Variants in UBR1 observed in about 807,000 individuals in gnomAD.
UBR1 encodes E3 ubiquitin-protein ligase UBR1.
UBR1 carries 102 observed loss-of-function variants against 242.1 expected under a neutral mutation model. That is an observed-to-expected ratio of 0.42 (90% CI 0.36 to 0.50). The LOEUF is 0.50. Ranked by LOEUF, UBR1 falls within the 20% of genes least tolerant of loss-of-function variation. UBR1 has a pLI of 0.01. For synonymous variants in UBR1, 675 were observed against 684.8 expected (o/e 0.99, Z 0.22); for missense variants, 1,772 against 2,101.8 (o/e 0.84, Z 3.07).
chr15:42,950,594 G>C (rs767774140), intron 45 of UBR1: 3 of 536,110 alleles, frequency 5.6e-6, no homozygotes, highest in Non-Finnish European at 1.0e-5. Context: ...GGTGAAATGA[G>C]ATCATTTATA....
At chr15:43,081,352 C>T (rs368244215) in intron 3 of UBR1, among the ~76,000 whole-genome samples, 1 of 137,626 alleles carries the variant, frequency 7.3e-6, no homozygotes, top group Non-Finnish European at 1.5e-5. Context: ...AGGAGGCGGA[C>T]GTTGTGGTGA....
chr15:42,945,185 G>A lies in UBR1; in HGVS notation c.*144C>T. 9.0e-7 allele frequency: 1 copy of A among 1,108,532 alleles called. No homozygotes were observed. The highest frequency in any genetic ancestry group is 2.6e-5 in the East Asian group (1 of 38,816). The allele number at this position is 1,108,532 out of a possible 1,614,324, so 68.7% of individuals were successfully genotyped here. A position where few individuals can be genotyped will look rare whatever the true frequency, so the allele number is the denominator to read the frequency against. ...CTAATTGAAAGCAATACTCCATTAAGAAATATTTTATTGATGTAAGTGAAC... is the reference window on the plus strand; with the variant it reads ...CTAATTGAAAGCAATACTCCATTAAAAAATATTTTATTGATGTAAGTGAAC... On this transcript the variant is annotated 3_prime_UTR_variant, in exon 47 of 47. Coordinates refer to ENST00000290650, the MANE Select transcript of UBR1 (RefSeq NM_174916.3).
chr15:43,003,924 A>T lies in UBR1; in HGVS notation c.3422T>A (p.Leu1141Gln). The change falls in exon 31 of 47, where the codon CTA becomes CAA. Residue 1141 changes from leucine to glutamine, a missense_variant. By Grantham distance (113) the Leu-to-Gln change is moderately radical. Coordinates refer to ENST00000290650, the MANE Select transcript of UBR1 (RefSeq NM_174916.3). Reference protein sequence around the residue: ...GKPIELSGEALDPLFMDPDLA... With the variant: ...GKPIELSGEAQDPLFMDPDLA... ...GTCTGGATCCATGAAAAGTGGGTCT[A>T]GGGCTTCTGGTACAAGGTATAAAAA... The T allele has an allele frequency of 6.2e-7, 1 of 1,614,096 alleles. No homozygotes were observed. Among genetic ancestry groups the T allele is most frequent in the Non-Finnish European group, 8.5e-7 (1 of 1,179,970 alleles).
At chr15:42,970,688 C>A in intron 39 of UBR1, 81 bp from the exon 40 acceptor site, 3 of 1,241,596 alleles carry the variant, frequency 2.4e-6, no homozygotes, top group East Asian at 2.4e-5. Context: ...TGTTCCAAGA[C>A]AATAAACAAC....
chr15:43,060,265 A>G, intron 6 of UBR1, 151 bp from the exon 7 acceptor site: 1 of 789,776 alleles, frequency 1.3e-6, no homozygotes, highest in Non-Finnish European at 2.2e-6. Flanking sequence ...TCTGAAAGAC[A>G]GATGCAAATG....
chr15:43,037,565 A>T (rs1289573055), intron 17 of UBR1, among the ~76,000 whole-genome samples: 1 of 152,146 alleles, frequency 6.6e-6, no homozygotes, highest in East Asian at 1.9e-4. Flanking sequence ...TCACACAAGC[A>T]TCCTAGTTTA....
intron 9 of UBR1, 144 bp from the exon 10 acceptor site, chr15:43,058,573 T>C (rs1193037416): frequency 3.0e-5 from 18 of 604,074 alleles, no homozygotes; most frequent in Non-Finnish European, 5.3e-5. Flanking sequence ...TGTATTAATA[T>C]TTAATAACTG....
chr15:43,038,248 CGA>C lies in UBR1; in HGVS notation c.1850-18_1850-17del. 2.5e-6 allele frequency: 4 copies of C among 1,613,384 alleles called. No individual in the cohort carries two copies. Among genetic ancestry groups the C allele is most frequent in the Non-Finnish European group, 3.4e-6 (4 of 1,179,496 alleles). On this transcript the variant is annotated splice_polypyrimidine_tract_variant and intron_variant, in intron 15 of 46. Coordinates refer to ENST00000290650, the MANE Select transcript of UBR1 (RefSeq NM_174916.3). ...ACATGAAGACCTAAAGTTAAAAAAACGAGAGAGAAAATGAGAAAACAAACCCA... is the reference window on the plus strand; with the variant it reads ...ACATGAAGACCTAAAGTTAAAAAAACGAGAGAAAATGAGAAAACAAACCCA...
chr15:42,960,048 A>G lies in UBR1; in HGVS notation c.4757+597T>C, dbSNP rs959087150. Among the ~76,000 whole-genome samples the G allele has an allele frequency of 5.9e-5, 9 of 152,352 alleles. No homozygotes were observed. In the South Asian group the frequency reaches 1.9e-3, roughly 32 times the overall value. On this transcript the variant is annotated intron_variant, in intron 43 of 46. Coordinates refer to ENST00000290650, the MANE Select transcript of UBR1 (RefSeq NM_174916.3). ...GGGGATACAAAGACAATAAGCATGC[A>G]GTTCTTATTCGTCAGTTATTCTGGG...
intron 15 of UBR1, among the ~76,000 whole-genome samples, chr15:43,039,196 C>T (rs1005599434): frequency 2.0e-5 from 3 of 151,918 alleles, no homozygotes; most frequent in Non-Finnish European, 2.9e-5. Flanking sequence ...CAAAATGGAT[C>T]AAAGACTTTA....
At chr15:43,000,577 G>A (rs71476413) in intron 32 of UBR1, among the ~76,000 whole-genome samples, 1 of 152,064 alleles carries the variant, frequency 6.6e-6, no homozygotes, top group African/African-American at 2.4e-5. Flanking sequence ...TTGAATATTA[G>A]GTCTGTCTTG....
intron 15 of UBR1, 105 bp downstream of exon 15, chr15:43,043,110 G>T: frequency 1.6e-6 from 2 of 1,269,606 alleles, no homozygotes; most frequent in Non-Finnish European, 2.3e-6. Context: ...ACCTGAGCAT[G>T]TCTGTACATA....
chr15:43,009,406 C>T (rs1222033046), intron 29 of UBR1, among the ~76,000 whole-genome samples: 1 of 152,240 alleles, frequency 6.6e-6, no homozygotes, highest in African/African-American at 2.4e-5. Context: ...TGGCCAGACC[C>T]TGCAGGTGCC....
intron 6 of UBR1, 47 bp from the exon 7 acceptor site, chr15:43,060,161 A>C: frequency 6.4e-7 from 1 of 1,563,642 alleles, no homozygotes; most frequent in Non-Finnish European, 8.8e-7. Flanking sequence ...TGATAACCAC[A>C]ATCAATAAGC....
intron 3 of UBR1, among the ~76,000 whole-genome samples, chr15:43,080,127 T>G (rs2033958745): frequency 1.3e-5 from 2 of 152,234 alleles, no homozygotes; most frequent in Non-Finnish European, 2.9e-5. Context: ...AATTACTCAA[T>G]GCTACTGCCG....
intron 19 of UBR1, among the ~76,000 whole-genome samples, chr15:43,035,014 G>C (rs570225943): frequency 5.1e-4 from 78 of 151,714 alleles, no homozygotes; most frequent in African/African-American, 1.8e-3. Flanking sequence ...ATGTTTATAA[G>C]ACCAACCAAC....
rs2033270571 is a variant in UBR1 at position 43,032,585 on chromosome 15, A to T, written c.2237T>A (p.Val746Asp). 6.5e-7 allele frequency: 1 copy of T among 1,537,988 alleles called. No homozygotes were observed. The highest frequency in any genetic ancestry group is 1.4e-5 in the African/African-American group (1 of 73,456). The change falls in exon 20 of 47, where the codon GTC (valine) becomes GAC (aspartate). Residue 746 changes from valine (V) to aspartate (D), a missense_variant. Transcript: ENST00000290650. ...AATCTTACCCACAATATAGATGAGG[A>T]CCTGAAGCATTTCTTCTATTAGTGT... ...YNTLIEEMLQ[V>D]LIYIVGERYV...
Position 43,013,821 on chromosome 15 carries a change from CTATT to C in UBR1, c.3209+1863_3209+1866del, listed in dbSNP as rs532769476. 9.4e-4 allele frequency among the ~76,000 whole-genome samples: 143 copies of C among 152,324 alleles called. No individual in the cohort carries two copies. In the Middle Eastern group the frequency reaches 0.01, roughly 11 times the overall value. On this transcript the variant is annotated intron_variant, in intron 29 of 46. Transcript: ENST00000290650. ...TTTGGAAAAGCAAAATTTAAAGTGA[CTATT>C]TAACTTTTCCTCCAAAAATTGAGTT... is the stretch of plus-strand genomic sequence containing the variant.
intron 44 of UBR1, among the ~76,000 whole-genome samples, chr15:42,954,134 C>A (rs1031289382): frequency 5.3e-5 from 8 of 152,090 alleles, no homozygotes; most frequent in African/African-American, 1.9e-4. Context: ...ATTCACCCAC[C>A]TCAGCCTCCC....
Sources: gnomAD v4.1 joint callset for allele counts (sites outside exome capture counted in the v4.1 genomes callset) on GRCh38, gnomAD v4.1.1 for gene constraint, MANE v1.5 for transcripts, NCBI Gene and HGNC (gene_info 2026-07-23, HGNC 2026-07-21) for gene names.